The following GRIK2 variants were observed in gnomAD, a reference collection of about 807,000 sequenced individuals.
GRIK2 encodes the protein glutamate ionotropic receptor kainate type subunit 2, also known as glutamate receptor ionotropic, kainate 2.
In GRIK2, 32 loss-of-function variants were observed where a neutral mutation model predicts 100.3. That is an observed-to-expected ratio of 0.32 (90% confidence interval 0.24 to 0.43). The LOEUF (loss-of-function observed/expected upper bound fraction) is 0.43. Among genes scored for constraint, GRIK2 ranks in the 20% least tolerant of loss-of-function variants. The probability of loss-of-function intolerance (pLI) is 1.00; values close to 1 mark genes in which losing one functional copy is unlikely to be tolerated. For missense variants in GRIK2, 843 were observed against 1,114.9 expected (o/e 0.76, Z 3.47); for synonymous variants, 417 against 389.4 (o/e 1.07, Z -0.83).
chr6:101,729,939 T>C (rs1007015892), intron 7 of GRIK2, among the ~76,000 whole-genome samples: 1 of 151,930 alleles, frequency 6.6e-6, no homozygotes, highest in Non-Finnish European at 1.5e-5. Flanking sequence ...CAGTGATGAG[T>C]GGCAATTAGT....
intron 2 of GRIK2, among the ~76,000 whole-genome samples, chr6:101,426,067 T>C (rs1414484224): frequency 6.6e-6 from 1 of 152,218 alleles, no homozygotes. Context: ...GAGGTGGCCA[T>C]ATTGTGATCA....
At chr6:102,034,643 G>A (rs1770168068) in intron 14 of GRIK2, among the ~76,000 whole-genome samples, 2 of 151,112 alleles carry the variant, frequency 1.3e-5, no homozygotes, top group African/African-American at 2.4e-5. Context: ...ATTTTCAGTT[G>A]GATATAAACA....
chr6:101,836,657 A>ATTTTT (rs1371506983), intron 10 of GRIK2, among the ~76,000 whole-genome samples: 24 of 39,508 alleles, frequency 6.1e-4, no homozygotes, highest in African/African-American at 9.4e-4. Context: ...ATATATATAT[A>ATTTTT]TATATTTTTT....
intron 7 of GRIK2, among the ~76,000 whole-genome samples, chr6:101,786,893 A>G (rs76955394): frequency 0.026 from 3,915 of 152,172 alleles, 175 homozygotes; most frequent in African/African-American, 0.089. Context: ...TAGAATTGGT[A>G]TTAATTATTT....
chr6:102,064,048 G>T, intron 16 of GRIK2: 1 of 1,300,772 alleles, frequency 7.7e-7, no homozygotes, highest in South Asian at 1.2e-5. Context: ...TTTTAATAAT[G>T]GTTAGTATCC....
At chr6:101,848,313 G>T (rs1783923909) in intron 10 of GRIK2, among the ~76,000 whole-genome samples, 2 of 147,502 alleles carry the variant, frequency 1.4e-5, no homozygotes, top group South Asian at 4.6e-4. Flanking sequence ...CTGATGGTTT[G>T]CCAGTTTATC....
intron 3 of GRIK2, among the ~76,000 whole-genome samples, chr6:101,624,653 C>T (rs918851206): frequency 2.0e-5 from 3 of 152,132 alleles, no homozygotes; most frequent in Non-Finnish European, 4.4e-5. Context: ...AGCTCAGTAA[C>T]AATCCTTCTC....
intron 15 of GRIK2, among the ~76,000 whole-genome samples, chr6:102,050,395 T>G (rs930267577): frequency 3.9e-5 from 6 of 152,002 alleles, no homozygotes; most frequent in African/African-American, 1.4e-4. Flanking sequence ...GGCTCAGGCC[T>G]GTAATCCCAG....
chr6:101,536,936 G>T (rs1185300221), intron 2 of GRIK2, among the ~76,000 whole-genome samples: 2 of 151,544 alleles, frequency 1.3e-5, no homozygotes, highest in Admixed American at 1.3e-4. Flanking sequence ...TCTTCATTAG[G>T]AATAAAAGAT....
intron 4 of GRIK2, among the ~76,000 whole-genome samples, chr6:101,627,117 C>CTGTGTGTGTGTGTG (rs111285339): frequency 7.6e-5 from 11 of 145,056 alleles, no homozygotes; most frequent in South Asian, 2.2e-4. Flanking sequence ...GTGTGTGTCT[C>CTGTGTGTGTGTGTG]TGTGTGTGTG....
chr6:101,788,663 A>G (rs919216471), intron 7 of GRIK2, among the ~76,000 whole-genome samples: 9 of 152,210 alleles, frequency 5.9e-5, no homozygotes, highest in African/African-American at 9.6e-5. Flanking sequence ...TAGTGCTGCA[A>G]TAAACATACA....
chr6:101,810,487 T>C (rs980298384), intron 9 of GRIK2, among the ~76,000 whole-genome samples: 2 of 152,092 alleles, frequency 1.3e-5, no homozygotes, highest in Non-Finnish European at 2.9e-5. Context: ...TTCAGGACGC[T>C]GATTACGAAA....
intron 2 of GRIK2, among the ~76,000 whole-genome samples, chr6:101,453,406 G>T (rs1770821038): frequency 6.6e-6 from 1 of 151,868 alleles, no homozygotes; most frequent in African/African-American, 2.4e-5. Context: ...TACATTTTGG[G>T]TTGCTGCCAG....
At chr6:101,701,715 C>G in intron 7 of GRIK2, among the ~76,000 whole-genome samples, 1 of 152,000 alleles carries the variant, frequency 6.6e-6, no homozygotes, top group East Asian at 1.9e-4. Flanking sequence ...CAATCAAAAT[C>G]TCAAGGTAAA....
intron 2 of GRIK2, among the ~76,000 whole-genome samples, chr6:101,506,053 A>G (rs565998935): frequency 2.0e-5 from 3 of 152,232 alleles, no homozygotes; most frequent in Non-Finnish European, 4.4e-5. Context: ...CTTTGAAATA[A>G]ATTAACCAAT....
intron 7 of GRIK2, among the ~76,000 whole-genome samples, chr6:101,728,088 TAATC>T (rs1313510378): frequency 1.3e-5 from 2 of 152,044 alleles, no homozygotes; most frequent in Non-Finnish European, 2.9e-5. Context: ...TTTATTGAGA[TAATC>T]AAAAATATCT....
intron 14 of GRIK2, among the ~76,000 whole-genome samples, chr6:102,019,308 G>A (rs1456036090): frequency 7.2e-5 from 11 of 152,062 alleles, no homozygotes; most frequent in Admixed American, 7.2e-4. Context: ...GACATCTGCA[G>A]CCTTTTTAGA....
intron 7 of GRIK2, among the ~76,000 whole-genome samples, chr6:101,750,141 T>C (rs932346046): frequency 9.9e-5 from 15 of 152,084 alleles, no homozygotes; most frequent in Non-Finnish European, 1.9e-4. Context: ...ATGATAAATA[T>C]CGTACCTAAA....
intron 13 of GRIK2, among the ~76,000 whole-genome samples, chr6:101,926,351 A>G (rs1789901103): frequency 1.3e-5 from 2 of 152,106 alleles, no homozygotes; most frequent in Admixed American, 1.3e-4. Context: ...TCACCCAGGC[A>G]AAACTGCTAG....
Sources: allele counts gnomAD v4.1 joint callset (sites outside exome capture counted in the v4.1 genomes callset), GRCh38; gene constraint gnomAD v4.1.1; transcripts MANE v1.5; gene names NCBI Gene and HGNC (gene_info 2026-07-23, HGNC 2026-07-21).